The following ZDHHC21 variants were observed in gnomAD, a reference collection of about 807,000 sequenced individuals.
ZDHHC21 encodes the protein palmitoyltransferase ZDHHC21.
In ZDHHC21, 15 loss-of-function variants were observed where a neutral mutation model predicts 34.6. The ratio of observed to expected loss-of-function variants is 0.43; its 90% CI spans 0.29 to 0.67. The LOEUF is 0.67. ZDHHC21 is among the 30% of genes least tolerant of loss of function. The probability of loss-of-function intolerance (pLI) is 0.14; values close to 1 mark genes in which losing one functional copy is unlikely to be tolerated. For synonymous variants in ZDHHC21, 142 were observed against 101.8 expected (o/e 1.40, Z -2.38); for missense variants, 344 against 327.7 (o/e 1.05, Z -0.38).
At chr9:14,687,870 G>A (rs1348482618) in intron 2 of ZDHHC21, among the ~76,000 whole-genome samples, 1 of 150,828 alleles carries the variant, frequency 6.6e-6, no homozygotes, top group East Asian at 1.9e-4. Flanking sequence ...ACAGTGCCAA[G>A]AGAAAATGCT....
chr9:14,665,192 G>A lies in ZDHHC21; in HGVS notation c.254-2866C>T, dbSNP rs925885919. Reference sequence around the variant, plus strand: ...CTGAAAACCAAGGCTCGAGAACTACGTGAAGAATGCAGAAGCCTCAGGAGC... The same window carrying A: ...CTGAAAACCAAGGCTCGAGAACTACATGAAGAATGCAGAAGCCTCAGGAGC... On this transcript the variant is annotated intron_variant, in intron 5 of 9. Transcript: ENST00000380916. 1.1e-4 allele frequency among the ~76,000 whole-genome samples: 15 copies of A among 138,718 alleles called. 1 individual carries two copies. Among genetic ancestry groups the A allele is most frequent in the African/African-American group, 4.1e-4 (15 of 36,248 alleles). The allele number at this position is 138,718 out of a possible 152,430, so 91.0% of individuals were successfully genotyped here.
chr9:14,589,379 G>C, the ZDHHC21 span: 2 of 152,150 alleles, frequency 1.3e-5, no homozygotes, highest in African/African-American at 4.8e-5. Flanking sequence ...GAAAATAAAT[G>C]AGGTGACTCC....
intron 2 of ZDHHC21, among the ~76,000 whole-genome samples, chr9:14,688,070 C>A (rs1838610153): frequency 6.6e-6 from 1 of 150,428 alleles, no homozygotes; most frequent in East Asian, 1.9e-4. Context: ...ATTAGGAATT[C>A]AATTTTTTAA....
intron 7 of ZDHHC21, among the ~76,000 whole-genome samples, chr9:14,657,134 T>C (rs778911432): frequency 7.9e-5 from 12 of 152,146 alleles, no homozygotes; most frequent in Non-Finnish European, 1.5e-4. Flanking sequence ...ATTTCAAACG[T>C]CTTAATACTT....
chr9:14,672,992 T>C (rs1030107000), intron 4 of ZDHHC21, 64 bp from the exon 5 acceptor site: 5 of 1,043,490 alleles, frequency 4.8e-6, no homozygotes, highest in African/African-American at 1.6e-5. Context: ...TCAACAATCA[T>C]ATTTAAAGTT....
At chr9:14,634,967 G>A (rs1042776048) in intron 8 of ZDHHC21, among the ~76,000 whole-genome samples, 3 of 152,028 alleles carry the variant, frequency 2.0e-5, no homozygotes, top group Non-Finnish European at 4.4e-5. Flanking sequence ...AGATCTGAAT[G>A]AGGAATTTAC....
Position 14,616,072 on chromosome 9 carries a change from A to G in ZDHHC21, c.*2894T>C, listed in dbSNP as rs1824096252. The G allele has an allele frequency of 6.6e-6, 1 of 151,794 alleles. No individual in the cohort carries two copies. The highest frequency in any genetic ancestry group is 1.5e-5 in the Non-Finnish European group (1 of 67,738). 9.4% of individuals were successfully genotyped at this position (151,794 alleles called of 1,614,324 possible). A position where few individuals can be genotyped will look rare whatever the true frequency, so the allele number is the denominator to read the frequency against. On this transcript the variant is annotated 3_prime_UTR_variant, in exon 10 of 10. Transcript: ENST00000380916. ...TTATACAAAGAATCATTAATCTCTT[A>G]GTTATTTTAAGGCAATAGAGCCAGT...
At chr9:14,589,463 T>C in the ZDHHC21 span, 1 of 152,122 alleles carries the variant, frequency 6.6e-6, no homozygotes, top group Non-Finnish European at 1.5e-5. Flanking sequence ...AGCAGAGTAG[T>C]AGTTTCACTG....
intron 7 of ZDHHC21, among the ~76,000 whole-genome samples, chr9:14,641,998 T>C (rs560814584): frequency 2.6e-5 from 4 of 152,196 alleles, no homozygotes; most frequent in Non-Finnish European, 5.9e-5. Flanking sequence ...TTACCATCTA[T>C]GACCAAATAA....
chr9:14,607,968 T>C (rs1462970299), downstream of ZDHHC21, among the ~76,000 whole-genome samples: 1 of 152,188 alleles, frequency 6.6e-6, no homozygotes, highest in Non-Finnish European at 1.5e-5. Context: ...GGATCAGTAT[T>C]TTCCACATTG....
At chr9:14,593,285 T>C in the ZDHHC21 span, among the ~76,000 whole-genome samples, 1 of 152,120 alleles carries the variant, frequency 6.6e-6, no homozygotes, top group African/African-American at 2.4e-5. Context: ...AAGATAGGTT[T>C]CCAAAATTAG....
the ZDHHC21 span, among the ~76,000 whole-genome samples, chr9:14,598,004 TGGG>T: frequency 6.6e-6 from 1 of 152,068 alleles, no homozygotes; most frequent in Non-Finnish European, 1.5e-5. Context: ...ACATGCTGCT[TGGG>T]GGCCTGAGAG....
intron 7 of ZDHHC21, among the ~76,000 whole-genome samples, chr9:14,642,095 C>G (rs1300350365): frequency 6.6e-6 from 1 of 152,058 alleles, no homozygotes; most frequent in Non-Finnish European, 1.5e-5. Context: ...GGAGATGAGA[C>G]TAAAAGATCT....
intron 2 of ZDHHC21, chr9:14,683,564 T>A (rs1007589351): frequency 6.6e-6 from 1 of 152,004 alleles, no homozygotes; most frequent in Non-Finnish European, 1.5e-5. Flanking sequence ...ATTAATAGCT[T>A]ACCAACCAAA....
At chr9:14,691,067 G>T (rs60495987) in intron 1 of ZDHHC21, among the ~76,000 whole-genome samples, 1 of 151,982 alleles carries the variant, frequency 6.6e-6, no homozygotes, top group African/African-American at 2.4e-5. Flanking sequence ...CTTTTGCCTG[G>T]TAGTATTGAT....
intron 7 of ZDHHC21, among the ~76,000 whole-genome samples, chr9:14,644,095 A>G (rs1829869602): frequency 6.6e-6 from 1 of 152,164 alleles, no homozygotes; most frequent in Admixed American, 6.6e-5. Context: ...GTTTCTTCTA[A>G]AGGACTTGCA....
chr9:14,607,516 C>G (rs897799740), downstream of ZDHHC21, among the ~76,000 whole-genome samples: 1 of 151,596 alleles, frequency 6.6e-6, no homozygotes, highest in Admixed American at 6.6e-5. Flanking sequence ...ATGATGCACA[C>G]CAAATTATGG....
intron 3 of ZDHHC21, among the ~76,000 whole-genome samples, 177 bp from the exon 4 acceptor site, chr9:14,674,562 T>C (rs566129854): frequency 4.1e-4 from 63 of 152,156 alleles, no homozygotes; most frequent in South Asian, 1.0e-3. Flanking sequence ...AATAAATACT[T>C]GGGAAAACAA....
rs879902239 is a variant in ZDHHC21 at position 14,615,342 on chromosome 9, T to C, written c.*3624A>G. 19 of 151,716 alleles carry C rather than the reference T, an allele frequency of 1.3e-4. No individual in the cohort carries two copies. The highest frequency in any genetic ancestry group is 1.1e-3 in the Admixed American group (16 of 15,196). 9.4% of individuals were successfully genotyped at this position (151,716 alleles called of 1,614,324 possible). A position where few individuals can be genotyped will look rare whatever the true frequency, so the allele number is the denominator to read the frequency against. On this transcript the variant is annotated 3_prime_UTR_variant, in exon 10 of 10. Transcript: ENST00000380916. ...ACTTAGAGAAAAATGCCTCTATGCATTGGCAAAAACGCACTGATGTTAATC... is the reference window on the plus strand; with the variant it reads ...ACTTAGAGAAAAATGCCTCTATGCACTGGCAAAAACGCACTGATGTTAATC...
Sources: allele counts gnomAD v4.1 joint callset (sites outside exome capture counted in the v4.1 genomes callset), GRCh38; gene constraint gnomAD v4.1.1; transcripts MANE v1.5; gene names NCBI Gene and HGNC (gene_info 2026-07-23, HGNC 2026-07-21).